DENND4B: variants seen among roughly 807,000 people sequenced by gnomAD.
DENND4B encodes the protein DENN domain-containing protein 4B.
In DENND4B, 67 loss-of-function variants were observed where a neutral mutation model predicts 161.0. That is an observed-to-expected ratio of 0.42 (90% CI 0.34 to 0.51). The LOEUF (loss-of-function observed/expected upper bound fraction) is 0.51, where lower values mean the gene tolerates loss of function less well. Ranked by LOEUF, DENND4B falls within the 20% of genes least tolerant of loss-of-function variation. The pLI is 0.08. For missense variants in DENND4B, 1,481 were observed against 1,968.0 expected, an observed-to-expected ratio of 0.75 and a Z score of 4.68; for synonymous variants, 753 against 813.8, an observed-to-expected ratio of 0.93 and a Z score of 1.27.
In DENND4B at chr1:153,946,262, T is replaced by C. The variant is rs1254403098; in HGVS notation, c.-24+39A>G. 8.9e-6 allele frequency: 3 copies of C among 336,928 alleles called. No individual in the cohort carries two copies. The highest frequency in any genetic ancestry group is 1.6e-5 in the Non-Finnish European group (3 of 186,738). The allele number at this position is 336,928 out of a possible 1,614,324, so 20.9% of individuals were successfully genotyped here. A position where few individuals can be genotyped will look rare whatever the true frequency, so the allele number is the denominator to read the frequency against. ...TGCCGCCCGCGCTCCCTCCTGCCCG[T>C]CCCCGCCTGCCGCCCAGCCCGGTCC... On this transcript the variant is annotated intron_variant, in intron 1 of 27. Transcript: ENST00000361217. The surrounding 1 kb of genome is among the most constrained non-coding windows in gnomAD (Gnocchi z 6.3).
chr1:153,946,241 G>T lies in DENND4B; in HGVS notation c.-24+60C>A. 2 of 330,186 alleles carry T rather than the reference G, an allele frequency of 6.1e-6. No homozygotes were observed. The highest frequency in any genetic ancestry group is 1.1e-5 in the Non-Finnish European group (2 of 182,274). 20.5% of individuals were successfully genotyped at this position (330,186 alleles called of 1,614,324 possible). The stretch of plus-strand genomic sequence containing the variant: ...GGGGCCATCCCCCACCCCGCCTGCC[G>T]CCCGCGCTCCCTCCTGCCCGTCCCC... On this transcript the variant is annotated intron_variant, in intron 1 of 27. Coordinates refer to ENST00000361217, the MANE Select transcript of DENND4B (RefSeq NM_014856.3). This position sits in a 1 kb window ranked among gnomAD's most constrained non-coding sequence, Gnocchi z 6.3.
Position 153,944,362 on chromosome 1 carries a change from G to T in DENND4B, c.13C>A (p.Arg5=), listed in dbSNP as rs200128529. 2 of 1,604,940 alleles carry T rather than the reference G, an allele frequency of 1.2e-6. No homozygotes were observed. The highest frequency in any genetic ancestry group is 3.4e-5 in the Admixed American group (2 of 59,004). Residue 5 remains arginine (R), a synonymous_variant, in exon 2 of 28, where the codon CGG becomes AGG. Transcript: ENST00000361217. The surrounding 1 kb of genome is among the most constrained non-coding windows in gnomAD (Gnocchi z 4.8). MAEE[R]PPRLVDYFVV... ...AAGTAATCCACCAGCCGGGGGGGCC[G>T]CTCCTCCGCCATGGCCCCCCCCTCA...
chr1:153,932,565 C>T lies in DENND4B; in HGVS notation c.3759+77G>A, dbSNP rs369940144. 432 of 1,569,238 alleles carry T rather than the reference C, an allele frequency of 2.8e-4. No individual in the cohort carries two copies. Among genetic ancestry groups the T allele is most frequent in the Non-Finnish European group, 3.6e-4 (418 of 1,156,170 alleles). On this transcript the variant is annotated intron_variant, in intron 23 of 27. Coordinates refer to ENST00000361217, the MANE Select transcript of DENND4B (RefSeq NM_014856.3). This position sits in a 1 kb window ranked among gnomAD's most constrained non-coding sequence, Gnocchi z 5.8. The stretch of plus-strand genomic sequence containing the variant: ...TGCCCTCAAGGGCAAGAGATGTGCC[C>T]ATCTCTCCCTGGCACCCCACAGGCC...
Position 153,937,602 on chromosome 1 carries a change from G to A in DENND4B, c.2118C>T (p.Phe706=), listed in dbSNP as rs773426377. ...ESTPQYCYDG[F]PELRAELFES... ...CAAACAACTCAGCCCGTAGCTCTGGGAATCCATCATAGCTGGAGGGGCAGA... is the reference window on the plus strand; with the variant it reads ...CAAACAACTCAGCCCGTAGCTCTGGAAATCCATCATAGCTGGAGGGGCAGA... The change falls in exon 15 of 28, where the codon TTC becomes TTT. Residue 706 remains phenylalanine (F), a synonymous_variant. Coordinates refer to ENST00000361217, the MANE Select transcript of DENND4B (RefSeq NM_014856.3). This position sits in a 1 kb window ranked among gnomAD's most constrained non-coding sequence, Gnocchi z 4.7. 6.2e-7 allele frequency: 1 copy of A among 1,612,714 alleles called. No individual in the cohort carries two copies. The highest frequency in any genetic ancestry group is 1.1e-5 in the South Asian group (1 of 90,936).
At chr1:153,941,773 C>CCGGGGGGGGGGGG in intron 6 of DENND4B, 96 bp downstream of exon 6, 2 of 1,426,300 alleles carry the variant, frequency 1.4e-6, no homozygotes, top group Non-Finnish European at 1.9e-6. Flanking sequence ...ACCCTGTGCC[C>CCGGGGGGGGGGGG]AGCCCTCCCC....
rs1487241634 is a variant in DENND4B at position 153,936,090 on chromosome 1, G to A, written c.2538C>T (p.Pro846=). Residue 846 remains proline (P), a synonymous_variant, in exon 17 of 28, where the codon CCC becomes CCT. Transcript: ENST00000361217. This position sits in a 1 kb window ranked among gnomAD's most constrained non-coding sequence, Gnocchi z 4.1. Reference sequence around the variant, plus strand: ...TGTAGTAGCCATAGGTGATGGTGTTGGGCACAATGCCTGCCTGACGCATCT... The same window carrying A: ...TGTAGTAGCCATAGGTGATGGTGTTAGGCACAATGCCTGCCTGACGCATCT... ...MLEMRQAGIV[P]NTITYGYYNK... is the part of the protein sequence containing the mutation. 6.2e-7 allele frequency: 1 copy of A among 1,612,968 alleles called. No homozygotes were observed. Among genetic ancestry groups the A allele is most frequent in the Non-Finnish European group, 8.5e-7 (1 of 1,179,546 alleles).
intron 24 of DENND4B, 75 bp from the exon 25 acceptor site, chr1:153,931,139 G>A: frequency 8.3e-7 from 1 of 1,207,974 alleles, no homozygotes; most frequent in Non-Finnish European, 1.2e-6. Context: ...GACAGGTGAT[G>A]CCAAAGAGAC....
At position 153,936,511 on chromosome 1, in the gene DENND4B, G is replaced by C; in HGVS notation, c.2439+31C>G. ...CAGCTGCACAAGGCTCACTGGGCCT[G>C]GGTATGAGCATGGTCACATAGATTG... On this transcript the variant is annotated intron_variant, in intron 16 of 27. Coordinates refer to ENST00000361217, the MANE Select transcript of DENND4B (RefSeq NM_014856.3). The surrounding 1 kb of genome is among the most constrained non-coding windows in gnomAD (Gnocchi z 4.1). The C allele has an allele frequency of 2.0e-6, 3 of 1,533,670 alleles. No individual in the cohort carries two copies. Among genetic ancestry groups the C allele is most frequent in the Non-Finnish European group, 2.6e-6 (3 of 1,133,596 alleles).
chr1:153,933,541 C>CG lies in DENND4B; in HGVS notation c.3271dup (p.Arg1091ProfsTer28). 2 of 1,548,280 alleles carry CG rather than the reference C, an allele frequency of 1.3e-6. No individual in the cohort carries two copies. Among genetic ancestry groups the CG allele is most frequent in the Non-Finnish European group, 1.7e-6 (2 of 1,149,552 alleles). On this transcript the variant is annotated frameshift_variant, in exon 20 of 28. Transcript: ENST00000361217. LOFTEE classifies it high-confidence loss of function. This position sits in a 1 kb window ranked among gnomAD's most constrained non-coding sequence, Gnocchi z 5.7. ...GTGCAGAAGACTGTCCATGGGGCTG[C>CG]GGCGGGCTGGGGGTGGCAGGTCAGG...
In DENND4B at chr1:153,941,930, C is replaced by T. The variant is rs201634355; in HGVS notation, c.994G>A (p.Ala332Thr). ...SRWPAFPAFR[A>T]FLTFLYRYSV... Reference sequence around the variant, plus strand: ...TAGCGGTAAAGGAAGGTGAGGAAGGCGCGGAAGGCAGGGAAGGCAGGCCAG... The same window carrying T: ...TAGCGGTAAAGGAAGGTGAGGAAGGTGCGGAAGGCAGGGAAGGCAGGCCAG... The change falls in exon 6 of 28, where the codon GCC becomes ACC. Residue 332 changes from alanine (A) to threonine (T), a missense_variant. By Grantham distance (58) the Ala-to-Thr change is moderately conservative (BLOSUM62 0). Around this residue, in one of 3 missense-constraint regions of DENND4B, gnomAD observed 806 missense variants for 1,134.4 expected, o/e 0.71. Transcript: ENST00000361217. 5.1e-5 allele frequency: 83 copies of T among 1,612,352 alleles called. No individual in the cohort carries two copies. The African/African-American group carries it at 7.1e-4, about 14-fold the overall frequency.
chr1:153,941,542 T>C (rs1378897787), intron 6 of DENND4B, 102 bp from the exon 7 acceptor site: 1 of 1,366,520 alleles, frequency 7.3e-7, no homozygotes, highest in Non-Finnish European at 9.9e-7. Context: ...ACCTTATTCC[T>C]TCCTGAACCC....
intron 1 of DENND4B, among the ~76,000 whole-genome samples, chr1:153,945,722 G>A (rs997638020): frequency 5.3e-5 from 8 of 152,338 alleles, no homozygotes; most frequent in South Asian, 4.1e-4. Flanking sequence ...GCGAATGGGA[G>A]CCCTATGCCC....
In DENND4B at chr1:153,933,037, G is replaced by A. The variant is rs762792313; in HGVS notation, c.3454-7C>T. 18 of 1,612,780 alleles carry A rather than the reference G, an allele frequency of 1.1e-5. No homozygotes were observed. The highest frequency in any genetic ancestry group is 9.9e-5 in the South Asian group (9 of 91,044). ...AGCAGCTGGACAGCAGAATCTGTGGGCAGGGAGAGTCGGGAAGTAGGTGCT... is the reference window on the plus strand; with the variant it reads ...AGCAGCTGGACAGCAGAATCTGTGGACAGGGAGAGTCGGGAAGTAGGTGCT... On this transcript the variant is annotated splice_region_variant and splice_polypyrimidine_tract_variant and intron_variant, in intron 21 of 27. Transcript: ENST00000361217. This position sits in a 1 kb window ranked among gnomAD's most constrained non-coding sequence, Gnocchi z 5.7.
chr1:153,934,070 A>G lies in DENND4B; in HGVS notation c.2941+65T>C. 6.8e-7 allele frequency: 1 copy of G among 1,480,122 alleles called. No individual in the cohort carries two copies. Among genetic ancestry groups the G allele is most frequent in the Non-Finnish European group, 8.9e-7 (1 of 1,118,162 alleles). 91.7% of individuals were successfully genotyped at this position (1,480,122 alleles called of 1,614,324 possible). On this transcript the variant is annotated intron_variant, in intron 19 of 27. Coordinates refer to ENST00000361217, the MANE Select transcript of DENND4B (RefSeq NM_014856.3). The surrounding 1 kb of genome is among the most constrained non-coding windows in gnomAD (Gnocchi z 5.3). The stretch of plus-strand genomic sequence containing the variant: ...CTCCACTCTGTTTCTGGTCTTCCCC[A>G]CCTCACTAGCAAGTGGTTAGGAAAG...
At position 153,936,843 on chromosome 1, in the gene DENND4B, AC is replaced by A; in HGVS notation, c.2233-96del. ...TTATTTATGACGGTCTCGCTCTGTC[AC>A]CCAGGCTGGAGTGCAGTGGCGCAAT... On this transcript the variant is annotated intron_variant, in intron 15 of 27. Coordinates refer to ENST00000361217, the MANE Select transcript of DENND4B (RefSeq NM_014856.3). The surrounding 1 kb of genome is among the most constrained non-coding windows in gnomAD (Gnocchi z 4.1). 7.7e-7 allele frequency: 1 copy of A among 1,292,264 alleles called. No homozygotes were observed. 80.0% of individuals were successfully genotyped at this position (1,292,264 alleles called of 1,614,324 possible).
In DENND4B at chr1:153,934,586, T is replaced by G. The variant is rs964598411; in HGVS notation, c.2773+174A>C. On this transcript the variant is annotated intron_variant, in intron 18 of 27. Coordinates refer to ENST00000361217, the MANE Select transcript of DENND4B (RefSeq NM_014856.3). This position sits in a 1 kb window ranked among gnomAD's most constrained non-coding sequence, Gnocchi z 5.3. ...TCTCCCAAGTAGCTGGGACTACAGGTGCGCGCCACCACGCCCAGCTAATTT... is the reference window on the plus strand; with the variant it reads ...TCTCCCAAGTAGCTGGGACTACAGGGGCGCGCCACCACGCCCAGCTAATTT... 9.2e-5 allele frequency: 109 copies of G among 1,188,496 alleles called. No homozygotes were observed. Among genetic ancestry groups the G allele is most frequent in the Non-Finnish European group, 1.2e-4 (102 of 865,800 alleles). The allele number at this position is 1,188,496 out of a possible 1,614,324, so 73.6% of individuals were successfully genotyped here. A position where few individuals can be genotyped will look rare whatever the true frequency, so the allele number is the denominator to read the frequency against.
Position 153,936,417 on chromosome 1 carries a change from C to A in DENND4B, c.2439+125G>T. The A allele has an allele frequency of 8.4e-7, 1 of 1,196,584 alleles. No individual in the cohort carries two copies. Among genetic ancestry groups the A allele is most frequent in the South Asian group, 1.6e-5 (1 of 63,332 alleles). The allele number at this position is 1,196,584 out of a possible 1,614,324, so 74.1% of individuals were successfully genotyped here. A position where few individuals can be genotyped will look rare whatever the true frequency, so the allele number is the denominator to read the frequency against. On this transcript the variant is annotated intron_variant, in intron 16 of 27. Coordinates refer to ENST00000361217, the MANE Select transcript of DENND4B (RefSeq NM_014856.3). This position sits in a 1 kb window ranked among gnomAD's most constrained non-coding sequence, Gnocchi z 4.1. ...CACTCGACGAATGTTTATAGATAAT[C>A]TGCCCAGCTCTGGGGCTCTGCAACT...
Position 153,932,342 on chromosome 1 carries a change from C to T in DENND4B, c.3858G>A (p.Glu1286=), listed in dbSNP as rs1431351777. 6.2e-7 allele frequency: 1 copy of T among 1,613,896 alleles called. No homozygotes were observed. Among genetic ancestry groups the T allele is most frequent in the African/African-American group, 1.3e-5 (1 of 75,050 alleles). The change falls in exon 24 of 28, where the codon GAG becomes GAA. Residue 1286 remains glutamate, a synonymous_variant. Transcript: ENST00000361217. The surrounding 1 kb of genome is among the most constrained non-coding windows in gnomAD (Gnocchi z 5.8). ...LESLVENEGS[E]VLALPELPSA... ...AGGGCAGTTCAGGCAACGCCAGCAC[C>T]TCACTGCCCTCGTTCTCTACCAGCG...
In DENND4B at chr1:153,932,754, C is replaced by A. The variant is rs201939937; in HGVS notation, c.3647G>T (p.Gly1216Val). Reference protein sequence around the residue: ...RPSVPSPKSAGASGSKDAPVP... With the variant: ...RPSVPSPKSAVASGSKDAPVP... ...AGGAGCATCTTTGCTGCCACTGGCA[C>A]CAGCAGATTTGGGGCTGGGGACACT... Residue 1216 changes from glycine (G) to valine (V), a missense_variant, in exon 23 of 28, where the codon GGT becomes GTT. This residue lies in a region of DENND4B where 336 missense variants were observed against 503.3 expected (regional missense o/e 0.67). Coordinates refer to ENST00000361217, the MANE Select transcript of DENND4B (RefSeq NM_014856.3). The surrounding 1 kb of genome is among the most constrained non-coding windows in gnomAD (Gnocchi z 5.8). 394 of 1,613,944 alleles carry A rather than the reference C, an allele frequency of 2.4e-4. No homozygotes were observed. Among genetic ancestry groups the A allele is most frequent in the Non-Finnish European group, 3.2e-4 (380 of 1,179,904 alleles).
Sources: gnomAD v4.1 joint callset for allele counts (sites outside exome capture counted in the v4.1 genomes callset) on GRCh38, gnomAD v4.1.1 for gene constraint, gnomAD v4.1.1 regional missense constraint, Gnocchi (gnomAD v3.1) non-coding constraint, MANE v1.5 for transcripts, NCBI Gene and HGNC (gene_info 2026-07-23, HGNC 2026-07-21) for gene names.